OTUD5: variants seen among roughly 807,000 people sequenced by gnomAD.
The protein encoded by OTUD5 is OTU deubiquitinase 5, also known as OTU domain-containing protein 5.
In OTUD5, 2 loss-of-function variants were observed where a neutral mutation model predicts 36.3. The ratio of observed to expected loss-of-function variants is 0.06; its 90% CI spans 0.02 to 0.17. The LOEUF (loss-of-function observed/expected upper bound fraction) is 0.17, where lower values mean the gene tolerates loss of function less well. Ranked by LOEUF, OTUD5 falls within the 10% of genes least tolerant of loss-of-function variation. The pLI, the probability that OTUD5 is intolerant of heterozygous loss-of-function variation, is 1.00. For synonymous variants in OTUD5, 234 were observed against 214.9 expected (o/e 1.09, Z -0.78); for missense variants, 233 against 512.3 (o/e 0.45, Z 5.26).
At chrX:48,951,337 A>G (rs781980193) in intron 1 of OTUD5, among the ~76,000 whole-genome samples, 44 of 112,355 alleles carry the variant, frequency 3.9e-4, no homozygotes, top group South Asian at 7.3e-4. Context: ...ACAGGGGGCC[A>G]GGCGTGGTGG....
Position 48,957,487 on chromosome X carries a change from C to A in OTUD5, c.84G>T (p.Pro28=). 1 of 839,871 alleles carries A rather than the reference C, an allele frequency of 1.2e-6. No individual in the cohort carries two copies. Among genetic ancestry groups the A allele is most frequent in the Non-Finnish European group, 1.5e-6 (1 of 687,099 alleles). 69.2% of individuals were successfully genotyped at this position (839,871 alleles called of 1,213,427 possible). ...NEPPPPGPMP[P]APRRGGGVGV... is the part of the protein sequence containing the mutation. Reference sequence around the variant, plus strand: ...CCACACCTCCGCCGCGCCGCGGCGCCGGGGGCATCGGCCCGGGCGGCGGCG... The same window carrying A: ...CCACACCTCCGCCGCGCCGCGGCGCAGGGGGCATCGGCCCGGGCGGCGGCG... Residue 28 remains proline (P), a synonymous_variant, in exon 1 of 9, where the codon CCG becomes CCT. Transcript: ENST00000376488.
intron 5 of OTUD5, among the ~76,000 whole-genome samples, chrX:48,931,829 T>C (rs1192956487): frequency 1.0e-5 from 1 of 98,685 alleles, no homozygotes; most frequent in Non-Finnish European, 2.0e-5. Flanking sequence ...TTGTAACAAA[T>C]GTACCATAAT....
At chrX:48,947,635 G>C (rs1201789128) in intron 1 of OTUD5, among the ~76,000 whole-genome samples, 1 of 108,552 alleles carries the variant, frequency 9.2e-6, no homozygotes, top group South Asian at 4.0e-4. Flanking sequence ...CCCGGGAGGC[G>C]GAGGTTGTGG....
Position 48,957,523 on chromosome X carries a change from G to T in OTUD5, c.48C>A (p.Pro16=). Residue 16 remains proline, a synonymous_variant, in exon 1 of 9, where the codon CCC becomes CCA. Coordinates refer to ENST00000376488, the MANE Select transcript of OTUD5 (RefSeq NM_001136157.2). ...KKKPPPPDAD[P]ANEPPPPGPM... is the part of the protein sequence containing the mutation. ...GCCCGGGCGGCGGCGGCTCGTTGGCGGGGTCGGCGTCGGGAGGCGGCGGCT... is the reference window on the plus strand; with the variant it reads ...GCCCGGGCGGCGGCGGCTCGTTGGCTGGGTCGGCGTCGGGAGGCGGCGGCT... 1.2e-6 allele frequency: 1 copy of T among 827,764 alleles called. No homozygotes were observed. The highest frequency in any genetic ancestry group is 1.5e-6 in the Non-Finnish European group (1 of 678,600). The allele number at this position is 827,764 out of a possible 1,213,427, so 68.2% of individuals were successfully genotyped here.
intron 2 of OTUD5, chrX:48,936,129 C>T (rs1487691283): frequency 1.8e-5 from 2 of 109,872 alleles, no homozygotes; most frequent in African/African-American, 3.3e-5. Flanking sequence ...GAGTAAAATC[C>T]TGCCCCTACC....
chrX:48,944,987 C>T (rs1230961185), intron 1 of OTUD5, among the ~76,000 whole-genome samples: 2 of 107,636 alleles, frequency 1.9e-5, no homozygotes, highest in Admixed American at 2.0e-4. Context: ...CACCCCATTG[C>T]GTTCCAGCCT....
chrX:48,944,236 G>T lies in OTUD5; in HGVS notation c.642C>A (p.Ile214=), dbSNP rs1557051832. ...CGCCATCCTCCTTCATCTGCTTGAT[G>T]ATGAAGCCCTTCTTGTCTCGTAGGG... The part of the protein sequence containing the change: ...EKALRDKKGF[I]IKQMKEDGAC... The change falls in exon 2 of 9, where the codon ATC becomes ATA. Residue 214 remains isoleucine, a synonymous_variant. Transcript: ENST00000376488. 1 of 1,207,435 alleles carries T rather than the reference G, an allele frequency of 8.3e-7. No individual in the cohort carries two copies.
chrX:48,922,949 G>A lies in OTUD5; in HGVS notation c.*225C>T. The stretch of plus-strand genomic sequence containing the variant: ...GGATGGTTCTGTGCGGGATGGGGTG[G>A]GGGGCAACAGGGCACATCAGCTGGC... On this transcript the variant is annotated 3_prime_UTR_variant, in exon 9 of 9. Coordinates refer to ENST00000376488, the MANE Select transcript of OTUD5 (RefSeq NM_001136157.2). The A allele has an allele frequency of 9.5e-7, 1 of 1,049,516 alleles. No individual in the cohort carries two copies. 86.5% of individuals were successfully genotyped at this position (1,049,516 alleles called of 1,213,427 possible).
intron 5 of OTUD5, among the ~76,000 whole-genome samples, chrX:48,931,212 A>G (rs905109374): frequency 9.0e-6 from 1 of 111,359 alleles, no homozygotes; most frequent in Non-Finnish European, 1.9e-5. Context: ...AACAAACACT[A>G]CTTCTGCCAG....
At chrX:48,931,778 TAA>T (rs782091153) in intron 5 of OTUD5, among the ~76,000 whole-genome samples, 36 of 81,183 alleles carry the variant, frequency 4.4e-4, no homozygotes, top group Admixed American at 2.8e-4. Context: ...AACTCTGCCT[TAA>T]AAAAAAAAAA....
intron 5 of OTUD5, among the ~76,000 whole-genome samples, chrX:48,927,244 C>T (rs2063681049): frequency 9.0e-6 from 1 of 111,519 alleles, no homozygotes; most frequent in Non-Finnish European, 1.9e-5. Context: ...ACAATCAACA[C>T]AGGAGACTTC....
rs781811076 is a variant in OTUD5 at position 48,927,151 on chromosome X, C to A, written c.1060-1101G>T. On this transcript the variant is annotated intron_variant, in intron 5 of 8. Transcript: ENST00000376488. ...ATTCGTAAAACTATGTTAGAACAAG[C>A]CAATTAAAAAAATAGTCAAAAAATC... Among the ~76,000 whole-genome samples the A allele has an allele frequency of 2.2e-4, 24 of 111,496 alleles. No individual in the cohort carries two copies. The South Asian group carries it at 7.8e-3, about 36-fold the overall frequency.
At chrX:48,943,651 C>T (rs2063971864) in intron 2 of OTUD5, among the ~76,000 whole-genome samples, 1 of 110,997 alleles carries the variant, frequency 9.0e-6, no homozygotes, top group Non-Finnish European at 1.9e-5. Context: ...TCTGATAGCC[C>T]CCATACACAC....
At chrX:48,935,227 C>T (rs1203906993) in intron 2 of OTUD5, among the ~76,000 whole-genome samples, 1 of 111,980 alleles carries the variant, frequency 8.9e-6, no homozygotes, top group Non-Finnish European at 1.9e-5. Flanking sequence ...CAAGAGAGTG[C>T]AGGTGAGAGG....
rs782324535 is a variant in OTUD5 at position 48,956,960 on chromosome X, C to T, written c.594+17G>A. On this transcript the variant is annotated intron_variant, in intron 1 of 8. Transcript: ENST00000376488. Reference sequence around the variant, plus strand: ...CCATCTGCCGTGGCCGCTCACCCCTCACCCCACAGCTCTTACCTGCTCGAC... The same window carrying T: ...CCATCTGCCGTGGCCGCTCACCCCTTACCCCACAGCTCTTACCTGCTCGAC... 4 of 1,132,675 alleles carry T rather than the reference C, an allele frequency of 3.5e-6. No individual in the cohort carries two copies. Among genetic ancestry groups the T allele is most frequent in the Non-Finnish European group, 4.7e-6 (4 of 856,384 alleles). The allele number at this position is 1,132,675 out of a possible 1,213,427, so 93.3% of individuals were successfully genotyped here.
chrX:48,951,829 A>G (rs2064152739), intron 1 of OTUD5, among the ~76,000 whole-genome samples: 1 of 111,983 alleles, frequency 8.9e-6, no homozygotes, highest in South Asian at 3.7e-4. Flanking sequence ...CAAGGCAGGC[A>G]GATCACCTGA....
intron 1 of OTUD5, 33 bp downstream of exon 1, chrX:48,956,944 G>A (rs1557055505): frequency 1.8e-6 from 2 of 1,107,006 alleles, no homozygotes; most frequent in Non-Finnish European, 2.4e-6. Flanking sequence ...CCCATCTGCC[G>A]TGGCCGCTCA....
chrX:48,944,963 C>T (rs781973904), intron 1 of OTUD5, among the ~76,000 whole-genome samples: 3 of 108,435 alleles, frequency 2.8e-5, no homozygotes, highest in African/African-American at 6.8e-5. Context: ...TAAGAGGTTG[C>T]GGTGAGCTAA....
At chrX:48,944,033 C>A (rs782231653) in intron 2 of OTUD5, among the ~76,000 whole-genome samples, 157 bp downstream of exon 2, 27 of 111,451 alleles carry the variant, frequency 2.4e-4, no homozygotes, top group Non-Finnish European at 4.0e-4. Flanking sequence ...GTCTCAAGAC[C>A]CACGGCTAGA....
Sources: allele counts gnomAD v4.1 joint callset (sites outside exome capture counted in the v4.1 genomes callset), GRCh38; gene constraint gnomAD v4.1.1; transcripts MANE v1.5; gene names NCBI Gene and HGNC (gene_info 2026-07-23, HGNC 2026-07-21).